The following TGFA variants were observed in gnomAD, a reference collection of about 807,000 sequenced individuals.
TGFA encodes the protein protransforming growth factor alpha.
Under a neutral mutation model 21.7 loss-of-function variants are expected in TGFA, and 12 were observed. The observed-to-expected ratio is 0.55, with a 90% CI of 0.35 to 0.90. The LOEUF is 0.90. Ranked by LOEUF, TGFA falls within the 40% of genes least tolerant of loss-of-function variation. TGFA has a pLI of 0.01. For missense variants in TGFA, 178 were observed against 210.8 expected (o/e 0.84, Z 0.96); for synonymous variants, 79 against 88.1 (o/e 0.90, Z 0.58).
chr2:70,455,405 G>T (rs1052353854), intron 4 of TGFA, among the ~76,000 whole-genome samples: 1 of 152,134 alleles, frequency 6.6e-6, no homozygotes, highest in Non-Finnish European at 1.5e-5. Context: ...TTCTTGCATC[G>T]ACATGTAGCT....
At chr2:70,544,808 A>C (rs2103943500) in intron 1 of TGFA, among the ~76,000 whole-genome samples, 1 of 152,308 alleles carries the variant, frequency 6.6e-6, no homozygotes, top group East Asian at 1.9e-4. Context: ...TATTCATGGC[A>C]GCTGAAAATG....
At chr2:70,512,705 G>A (rs1672139331) in intron 2 of TGFA, among the ~76,000 whole-genome samples, 1 of 152,248 alleles carries the variant, frequency 6.6e-6, no homozygotes, top group African/African-American at 2.4e-5. Context: ...AAAAGGCCTA[G>A]GCAGGAGTTA....
chr2:70,506,307 G>A (rs901132490), intron 2 of TGFA, among the ~76,000 whole-genome samples: 2 of 152,210 alleles, frequency 1.3e-5, no homozygotes, highest in African/African-American at 4.8e-5. Flanking sequence ...AGAACTTGGG[G>A]GATGGAGAAG....
intron 1 of TGFA, among the ~76,000 whole-genome samples, chr2:70,527,994 G>C (rs113013900): frequency 3.2e-4 from 48 of 152,346 alleles, no homozygotes; most frequent in African/African-American, 1.0e-3. Flanking sequence ...CTTGTACGGA[G>C]CACTGTGGCT....
At chr2:70,523,704 C>T (rs368000661) in intron 1 of TGFA, among the ~76,000 whole-genome samples, 3 of 152,202 alleles carry the variant, frequency 2.0e-5, no homozygotes, top group East Asian at 1.9e-4. Context: ...CTAGTATCTC[C>T]TGTCCCTCCT....
At chr2:70,461,251 G>A (rs1670396950) in intron 3 of TGFA, among the ~76,000 whole-genome samples, 1 of 152,166 alleles carries the variant, frequency 6.6e-6, no homozygotes, top group Admixed American at 6.5e-5. Context: ...GGGAGGACCT[G>A]CACTTTCTCC....
chr2:70,515,030 G>A (rs1388698128), intron 1 of TGFA, 118 bp from the exon 2 acceptor site: 12 of 835,506 alleles, frequency 1.4e-5, no homozygotes, highest in South Asian at 1.3e-4. Flanking sequence ...CAGAGTGGCC[G>A]GTAGACAGGC....
intron 1 of TGFA, among the ~76,000 whole-genome samples, chr2:70,522,045 CCTTA>C (rs1456021796): frequency 6.6e-6 from 1 of 152,198 alleles, no homozygotes; most frequent in African/African-American, 2.4e-5. Context: ...TCAGAGGAAT[CCTTA>C]CTTTATTCTG....
intron 1 of TGFA, among the ~76,000 whole-genome samples, chr2:70,547,868 G>GAT (rs1206278722): frequency 2.0e-5 from 3 of 147,924 alleles, no homozygotes; most frequent in East Asian, 2.0e-4. Context: ...TATATAGAGA[G>GAT]ATATATATAT....
At chr2:70,529,283 A>G (rs1232604795) in intron 1 of TGFA, among the ~76,000 whole-genome samples, 4 of 152,192 alleles carry the variant, frequency 2.6e-5, no homozygotes, top group African/African-American at 9.7e-5. Context: ...TCCAGGGGGC[A>G]TGAACTACAG....
chr2:70,517,617 G>T (rs1324222927), intron 1 of TGFA, among the ~76,000 whole-genome samples: 1 of 152,202 alleles, frequency 6.6e-6, no homozygotes, highest in Non-Finnish European at 1.5e-5. Context: ...GCTTAGAGAG[G>T]TTAAGAAATT....
chr2:70,465,272 T>C (rs1455967711), intron 3 of TGFA, among the ~76,000 whole-genome samples: 1 of 152,236 alleles, frequency 6.6e-6, no homozygotes, highest in Non-Finnish European at 1.5e-5. Context: ...CCCAGTGCCT[T>C]GTGCTCCAGA....
At chr2:70,450,917 G>A (rs782402092) in intron 5 of TGFA, 51 bp from the exon 6 acceptor site, 27 of 1,591,824 alleles carry the variant, frequency 1.7e-5, no homozygotes, top group South Asian at 3.4e-5. Flanking sequence ...CCCTGGCCAC[G>A]TTGGGAAAAT....
chr2:70,459,761 C>T (rs1042020605), intron 3 of TGFA, among the ~76,000 whole-genome samples: 11 of 152,216 alleles, frequency 7.2e-5, no homozygotes, highest in Non-Finnish European at 1.3e-4. Flanking sequence ...GCAGGAGCCC[C>T]AGCCCCTTAG....
chr2:70,451,608 T>C (rs1670060651), intron 5 of TGFA: 1 of 607,712 alleles, frequency 1.6e-6, no homozygotes, highest in Non-Finnish European at 2.9e-6. Flanking sequence ...AACAAGAAAC[T>C]TACTCCACCC....
At chr2:70,515,963 C>T (rs1672263363) in intron 1 of TGFA, among the ~76,000 whole-genome samples, 1 of 152,180 alleles carries the variant, frequency 6.6e-6, no homozygotes, top group African/African-American at 2.4e-5. Context: ...AGCTCAGGGC[C>T]CTTGTGAGCA....
chr2:70,459,040 A>G (rs1553491066), intron 3 of TGFA, among the ~76,000 whole-genome samples: 1 of 152,228 alleles, frequency 6.6e-6, no homozygotes, highest in East Asian at 1.9e-4. Context: ...GGGGAAAGGT[A>G]CCATAATGAG....
At chr2:70,503,705 T>C (rs1553499579) in intron 2 of TGFA, among the ~76,000 whole-genome samples, 1 of 152,228 alleles carries the variant, frequency 6.6e-6, no homozygotes, top group Non-Finnish European at 1.5e-5. Context: ...AGTTTTTATT[T>C]GTAGGCAACT....
intron 1 of TGFA, among the ~76,000 whole-genome samples, chr2:70,525,222 G>C (rs1553502826): frequency 1.3e-5 from 2 of 152,164 alleles, no homozygotes; most frequent in African/African-American, 4.8e-5. Context: ...CAACACCCTG[G>C]ACACCCCGGA....
Sources: gnomAD v4.1 joint callset for allele counts (sites outside exome capture counted in the v4.1 genomes callset) on GRCh38, gnomAD v4.1.1 for gene constraint, MANE v1.5 for transcripts, NCBI Gene and HGNC (gene_info 2026-07-23, HGNC 2026-07-21) for gene names.